The following ANKIB1 variants were observed in gnomAD, a reference collection of about 807,000 sequenced individuals.
The protein encoded by ANKIB1 is ankyrin repeat and IBR domain-containing protein 1.
ANKIB1 carries 43 observed loss-of-function variants against 122.1 expected under a neutral mutation model. That is an observed-to-expected ratio of 0.35 (90% CI 0.28 to 0.45). The LOEUF is 0.45. ANKIB1 is among the 20% of genes least tolerant of loss of function. The pLI, the probability that ANKIB1 is intolerant of heterozygous loss-of-function variation, is 1.00. For synonymous variants in ANKIB1, 390 were observed against 442.0 expected (o/e 0.88, Z 1.48); for missense variants, 992 against 1,329.5 (o/e 0.75, Z 3.95).
At chr7:92,322,728 C>T (rs971429306) in intron 4 of ANKIB1, among the ~76,000 whole-genome samples, 2 of 152,070 alleles carry the variant, frequency 1.3e-5, no homozygotes, top group African/African-American at 2.4e-5. Flanking sequence ...TAAACATTTA[C>T]CTATTGCTAA....
At chr7:92,297,452 A>G (rs1172327794) in intron 2 of ANKIB1, among the ~76,000 whole-genome samples, 1 of 152,230 alleles carries the variant, frequency 6.6e-6, no homozygotes, top group Non-Finnish European at 1.5e-5. Flanking sequence ...GCTGCCCAAC[A>G]TACAATATAC....
intron 3 of ANKIB1, among the ~76,000 whole-genome samples, chr7:92,318,972 G>A (rs1314676897): frequency 2.0e-5 from 3 of 152,092 alleles, no homozygotes; most frequent in African/African-American, 7.2e-5. Flanking sequence ...AAGATTTATA[G>A]AAATTATAAG....
At chr7:92,273,111 A>G (rs1801832451) in intron 1 of ANKIB1, among the ~76,000 whole-genome samples, 1 of 152,244 alleles carries the variant, frequency 6.6e-6, no homozygotes, top group Non-Finnish European at 1.5e-5. Context: ...CCGTAAGTGC[A>G]AAAAAGATAA....
intron 11 of ANKIB1, among the ~76,000 whole-genome samples, chr7:92,383,480 C>T: frequency 6.6e-6 from 1 of 152,076 alleles, no homozygotes; most frequent in East Asian, 1.9e-4. Context: ...AACATTGATG[C>T]AAAAATCCTC....
intron 11 of ANKIB1, among the ~76,000 whole-genome samples, chr7:92,376,331 G>A (rs1804379305): frequency 6.6e-6 from 1 of 152,050 alleles, no homozygotes; most frequent in African/African-American, 2.4e-5. Flanking sequence ...CATCTACATT[G>A]GAAATCTGTT....
chr7:92,331,779 C>T (rs922748126), intron 5 of ANKIB1, among the ~76,000 whole-genome samples: 5 of 152,108 alleles, frequency 3.3e-5, no homozygotes, highest in Non-Finnish European at 7.4e-5. Context: ...GTCACGTGGC[C>T]ATACCTAACT....
chr7:92,369,996 A>C (rs1441278055), intron 10 of ANKIB1, among the ~76,000 whole-genome samples: 2 of 152,224 alleles, frequency 1.3e-5, no homozygotes, highest in East Asian at 3.8e-4. Context: ...AAATAAGTTG[A>C]GTTTAAGAAA....
chr7:92,251,757 C>T (rs1246656163), intron 1 of ANKIB1, among the ~76,000 whole-genome samples: 4 of 152,192 alleles, frequency 2.6e-5, no homozygotes, highest in African/African-American at 4.8e-5. Context: ...TAGGCACTCT[C>T]TTATACAGCC....
intron 4 of ANKIB1, among the ~76,000 whole-genome samples, chr7:92,325,471 C>G (rs1803007100): frequency 6.6e-6 from 1 of 152,186 alleles, no homozygotes; most frequent in African/African-American, 2.4e-5. Flanking sequence ...TAAAAACTTT[C>G]CTGGCTATTT....
intron 1 of ANKIB1, among the ~76,000 whole-genome samples, chr7:92,250,718 A>G (rs1801312476): frequency 6.6e-6 from 1 of 152,200 alleles, no homozygotes; most frequent in Admixed American, 6.5e-5. Context: ...ATTCTTTCAG[A>G]TTTGAAAATT....
chr7:92,273,796 A>G (rs1032511773), intron 1 of ANKIB1, among the ~76,000 whole-genome samples: 1 of 150,322 alleles, frequency 6.7e-6, no homozygotes, highest in Non-Finnish European at 1.5e-5. Flanking sequence ...TTTTTGAGAC[A>G]GGGAATCACT....
intron 7 of ANKIB1, among the ~76,000 whole-genome samples, chr7:92,345,527 T>C (rs1006807034): frequency 6.6e-5 from 10 of 152,252 alleles, no homozygotes; most frequent in Admixed American, 1.3e-4. Flanking sequence ...GAGACATAGT[T>C]GGGTATATTT....
intron 3 of ANKIB1, among the ~76,000 whole-genome samples, chr7:92,312,812 C>G (rs188073242): frequency 5.5e-4 from 84 of 152,094 alleles, no homozygotes; most frequent in Non-Finnish European, 1.1e-3. Context: ...ACTCAGCACA[C>G]AAAAATAAAG....
chr7:92,337,480 A>C (rs1395257424), intron 5 of ANKIB1, among the ~76,000 whole-genome samples: 1 of 152,034 alleles, frequency 6.6e-6, no homozygotes, highest in African/African-American at 2.4e-5. Flanking sequence ...TCTTTGATAC[A>C]TTGGTATTAT....
At chr7:92,291,400 C>T (rs1169387278) in intron 1 of ANKIB1, among the ~76,000 whole-genome samples, 1 of 152,018 alleles carries the variant, frequency 6.6e-6, no homozygotes, top group African/African-American at 2.4e-5. Context: ...CATTGCATGC[C>T]TGTTTCAAAA....
chr7:92,391,672 A>G (rs1395388194), intron 16 of ANKIB1, among the ~76,000 whole-genome samples: 1 of 152,190 alleles, frequency 6.6e-6, no homozygotes, highest in African/African-American at 2.4e-5. Flanking sequence ...TTTGATAGTT[A>G]TAAACATCTT....
chr7:92,380,848 TC>T (rs1804496714), intron 11 of ANKIB1, among the ~76,000 whole-genome samples: 1 of 152,068 alleles, frequency 6.6e-6, no homozygotes, highest in Non-Finnish European at 1.5e-5. Flanking sequence ...GCGCCCCATC[TC>T]CTCCAGAGGA....
chr7:92,369,049 G>A (rs1767008905), intron 10 of ANKIB1, among the ~76,000 whole-genome samples: 1 of 152,164 alleles, frequency 6.6e-6, no homozygotes, highest in African/African-American at 2.4e-5. Flanking sequence ...GCTGAAAGAA[G>A]AAGAAAGGCC....
chr7:92,277,894 G>T (rs1801937517), intron 1 of ANKIB1, among the ~76,000 whole-genome samples: 1 of 152,142 alleles, frequency 6.6e-6, no homozygotes, highest in Admixed American at 6.5e-5. Flanking sequence ...GGCCAACCTG[G>T]CCAACATGGT....
Sources: gnomAD v4.1 joint callset for allele counts (sites outside exome capture counted in the v4.1 genomes callset) on GRCh38, gnomAD v4.1.1 for gene constraint, MANE v1.5 for transcripts, NCBI Gene and HGNC (gene_info 2026-07-23, HGNC 2026-07-21) for gene names.